The following CNNM3 variants were observed in gnomAD, a reference collection of about 807,000 sequenced individuals.
The protein encoded by CNNM3 is cyclin and CBS domain divalent metal cation transport mediator 3.
CNNM3 carries 47 observed loss-of-function variants against 57.1 expected under a neutral mutation model. The observed-to-expected ratio is 0.82, with a 90% CI of 0.65 to 1.05. The LOEUF (loss-of-function observed/expected upper bound fraction) is 1.05, where lower values mean the gene tolerates loss of function less well. CNNM3 is among the 50% of genes least tolerant of loss of function. The pLI is 0.00. For missense variants in CNNM3, 957 were observed against 973.7 expected (o/e 0.98, Z 0.23); for synonymous variants, 507 against 478.2 (o/e 1.06, Z -0.79).
chr2:96,817,548 C>G (rs1205955717), intron 1 of CNNM3, 46 bp downstream of exon 1: 2 of 1,549,572 alleles, frequency 1.3e-6, no homozygotes, highest in Admixed American at 1.7e-5. Flanking sequence ...CGAGTGCCCT[C>G]TCCCTGAAAA....
downstream of CNNM3, among the ~76,000 whole-genome samples, chr2:96,835,469 CTTT>C (rs535208227): frequency 1.5e-5 from 2 of 137,566 alleles, no homozygotes. Context: ...AACAATCAAA[CTTT>C]TTTTTTTTTT....
At chr2:96,830,395 G>A (rs552946089) in intron 7 of CNNM3, among the ~76,000 whole-genome samples, 177 of 152,360 alleles carry the variant, frequency 1.2e-3, no homozygotes, top group Middle Eastern at 3.4e-3. Flanking sequence ...AGGAATGAGA[G>A]CCAGAGAGAA....
intron 1 of CNNM3, among the ~76,000 whole-genome samples, chr2:96,823,944 CAT>C (rs2079450896): frequency 6.6e-6 from 1 of 152,200 alleles, no homozygotes; most frequent in Admixed American, 6.5e-5. Context: ...GAGAGTGCAA[CAT>C]AGACAAAATG....
At chr2:96,817,921 G>C (rs548344027) in intron 1 of CNNM3, among the ~76,000 whole-genome samples, 11 of 152,178 alleles carry the variant, frequency 7.2e-5, no homozygotes, top group Non-Finnish European at 1.6e-4. Context: ...CTGGGATATT[G>C]TTGTGTGCAC....
chr2:96,830,895 T>G (rs1313932091), intron 7 of CNNM3, among the ~76,000 whole-genome samples: 1 of 152,198 alleles, frequency 6.6e-6, no homozygotes, highest in African/African-American at 2.4e-5. Context: ...TCTACAGAAG[T>G]TCACATTGTC....
chr2:96,835,685 T>G (rs1424235427), downstream of CNNM3, among the ~76,000 whole-genome samples: 1 of 152,140 alleles, frequency 6.6e-6, no homozygotes, highest in Non-Finnish European at 1.5e-5. Flanking sequence ...GCCAGGATGG[T>G]CTCGATCTCC....
Position 96,834,962 on chromosome 2 carries a change from G to C in CNNM3, c.*2346G>C, listed in dbSNP as rs887415936. On this transcript the variant is annotated 3_prime_UTR_variant, in exon 8 of 8. Coordinates refer to ENST00000305510, the MANE Select transcript of CNNM3 (RefSeq NM_017623.5). ...CTCCATGGTTACATCTTATATGGTT[G>C]TAATGCAGTATTCCAACAAAGACTC... Among the ~76,000 whole-genome samples the C allele has an allele frequency of 1.3e-5, 2 of 152,158 alleles. No homozygotes were observed. Among genetic ancestry groups the C allele is most frequent in the Admixed American group, 1.3e-4 (2 of 15,280 alleles).
chr2:96,836,286 A>G (rs894546441), downstream of CNNM3, among the ~76,000 whole-genome samples: 5 of 138,066 alleles, frequency 3.6e-5, no homozygotes, highest in African/African-American at 1.4e-4. Context: ...CTTGTTGCCC[A>G]GGCTGGAGTT....
chr2:96,823,569 G>A (rs573817800), intron 1 of CNNM3, among the ~76,000 whole-genome samples: 2 of 152,330 alleles, frequency 1.3e-5, no homozygotes, highest in Non-Finnish European at 2.9e-5. Context: ...CCCGGAAAGC[G>A]GGGAGACGAT....
chr2:96,832,770 T>C lies in CNNM3; in HGVS notation c.*154T>C. ...TGCGGGTCCTGGGTGTCCTCAGAAC[T>C]AGACATCAATGCCTGGATCCTTCAG... On this transcript the variant is annotated 3_prime_UTR_variant, in exon 8 of 8. Coordinates refer to ENST00000305510, the MANE Select transcript of CNNM3 (RefSeq NM_017623.5). The C allele has an allele frequency of 6.6e-7, 1 of 1,509,378 alleles. No homozygotes were observed. Among genetic ancestry groups the C allele is most frequent in the Non-Finnish European group, 8.8e-7 (1 of 1,131,948 alleles). The allele number at this position is 1,509,378 out of a possible 1,614,324, so 93.5% of individuals were successfully genotyped here.
At position 96,828,675 on chromosome 2, in the gene CNNM3, C is replaced by T. The variant is rs751437154; in HGVS notation, c.1895C>T (p.Ala632Val). 8.7e-6 allele frequency: 14 copies of T among 1,614,062 alleles called. No individual in the cohort carries two copies. The highest frequency in any genetic ancestry group is 2.2e-5 in the East Asian group (1 of 44,872). The stretch of plus-strand genomic sequence containing the variant: ...TATTGTCCCGACTACACCGTGAGGG[C>T]GCTCTCTGATCTGCAGCTCATCAAG... ...SAYCPDYTVR[A>V]LSDLQLIKVT... Residue 632 changes from alanine (A) to valine (V), a missense_variant, in exon 6 of 8, where the codon GCG (alanine) becomes GTG (valine). Transcript: ENST00000305510.
At chr2:96,824,214 G>C (rs981752561) in intron 1 of CNNM3, among the ~76,000 whole-genome samples, 1 of 152,080 alleles carries the variant, frequency 6.6e-6, no homozygotes, top group African/African-American at 2.4e-5. Context: ...TCTGAGACTT[G>C]GGCTTTTTTC....
chr2:96,817,022 C>G lies in CNNM3; in HGVS notation c.745C>G (p.Leu249Val), dbSNP rs1209525420. 5 of 1,366,742 alleles carry G rather than the reference C, an allele frequency of 3.7e-6. No individual in the cohort carries two copies. Among genetic ancestry groups the G allele is most frequent in the Non-Finnish European group, 4.7e-6 (5 of 1,055,466 alleles). 84.7% of individuals were successfully genotyped at this position (1,366,742 alleles called of 1,614,324 possible). A position where few individuals can be genotyped will look rare whatever the true frequency, so the allele number is the denominator to read the frequency against. The change falls in exon 1 of 8, where the codon CTG (leucine) becomes GTG (valine). Residue 249 changes from leucine (L) to valine (V), a missense_variant. Leu to Val is a conservative substitution (Grantham distance 32). Coordinates refer to ENST00000305510, the MANE Select transcript of CNNM3 (RefSeq NM_017623.5). ...GGCCGCCGTGAGCGGGCGCTGGACG[C>G]TGGCGCTGGCGCCGCGAGCGCTCGG... ...VPAAVSGRWT[L>V]ALAPRALGLS...
chr2:96,826,357 C>T (rs1047719165), intron 2 of CNNM3, among the ~76,000 whole-genome samples: 1 of 151,998 alleles, frequency 6.6e-6, no homozygotes. Context: ...GGACTACAGG[C>T]GCATGCCACC....
chr2:96,828,195 G>C lies in CNNM3; in HGVS notation c.1786G>C (p.Val596Leu), dbSNP rs1451769259. 6.2e-7 allele frequency: 1 copy of C among 1,612,930 alleles called. No homozygotes were observed. ...GVSALTVPSS[V>L]HQSPVSSLQP... ...GTCGGCCCTAACTGTGCCATCCTCG[G>C]GTAAGCCACGGCCCTGCTGATGCTG... Residue 596 changes from valine to leucine, a missense_variant and splice_region_variant, in exon 5 of 8, where the codon GTT becomes CTT. By Grantham distance (32) the Val-to-Leu change is conservative. Coordinates refer to ENST00000305510, the MANE Select transcript of CNNM3 (RefSeq NM_017623.5).
intron 1 of CNNM3, among the ~76,000 whole-genome samples, chr2:96,818,106 C>G (rs914185474): frequency 2.2e-4 from 34 of 152,164 alleles, no homozygotes; most frequent in African/African-American, 8.0e-4. Flanking sequence ...GACTTAGTCT[C>G]CCTTTCTCCC....
At chr2:96,817,528 G>A in intron 1 of CNNM3, 26 bp downstream of exon 1, 2 of 1,585,672 alleles carry the variant, frequency 1.3e-6, no homozygotes, top group Non-Finnish European at 1.7e-6. Flanking sequence ...TGGTGCAGGG[G>A]ACGCCCGTGC....
chr2:96,827,963 G>A, intron 4 of CNNM3, 63 bp downstream of exon 4: 5 of 1,588,996 alleles, frequency 3.1e-6, no homozygotes, highest in Non-Finnish European at 3.4e-6. Context: ...GGGTCTAGGA[G>A]AAGAGGGGAG....
At chr2:96,835,536 T>G (rs1193572490), downstream of CNNM3, among the ~76,000 whole-genome samples, 6 of 151,560 alleles carry the variant, frequency 4.0e-5, no homozygotes, top group African/African-American at 1.5e-4. Flanking sequence ...TGGCGCAGTC[T>G]CGGCTCACTG....
Sources: gnomAD v4.1 joint callset for allele counts (sites outside exome capture counted in the v4.1 genomes callset) on GRCh38, gnomAD v4.1.1 for gene constraint, MANE v1.5 for transcripts, NCBI Gene and HGNC (gene_info 2026-07-23, HGNC 2026-07-21) for gene names.